Variants in SSBP2 observed in about 807,000 individuals in gnomAD.
SSBP2 encodes the protein single-stranded DNA-binding protein 2.
SSBP2 carries 17 observed loss-of-function variants against 61.8 expected under a neutral mutation model. The ratio of observed to expected loss-of-function variants is 0.28; its 90% confidence interval spans 0.19 to 0.41. The LOEUF (loss-of-function observed/expected upper bound fraction) is 0.41. Ranked by LOEUF, SSBP2 falls within the 10% of genes least tolerant of loss-of-function variation. SSBP2 has a pLI of 1.00. For synonymous variants in SSBP2, 139 were observed against 141.3 expected (o/e 0.98, Z 0.12); for missense variants, 310 against 458.7 (o/e 0.68, Z 2.96).
At chr5:81,747,022 T>TG (rs60355265) in intron 1 of SSBP2, among the ~76,000 whole-genome samples, 17,797 of 86,692 alleles carry the variant, frequency 0.21, 2,132 homozygotes, top group East Asian at 0.39. Flanking sequence ...ACAAAATTCC[T>TG]GGGGGGGGGG....
At chr5:81,702,361 C>T (rs1465727772) in intron 1 of SSBP2, among the ~76,000 whole-genome samples, 3 of 151,946 alleles carry the variant, frequency 2.0e-5, no homozygotes, top group African/African-American at 7.2e-5. Flanking sequence ...CAGAGCGAGA[C>T]TCCCATCTCA....
chr5:81,556,370 G>C (rs1302977526), intron 4 of SSBP2, among the ~76,000 whole-genome samples: 1 of 152,012 alleles, frequency 6.6e-6, no homozygotes, highest in Admixed American at 6.6e-5. Context: ...TATTTCAATA[G>C]CAAAGAAAGA....
chr5:81,722,421 G>T (rs7722121), intron 1 of SSBP2, among the ~76,000 whole-genome samples: 13,283 of 148,136 alleles, frequency 0.09, 1,982 homozygotes, highest in African/African-American at 0.31. Flanking sequence ...TCAAAATGAG[G>T]GCAAAGAGAA....
intron 4 of SSBP2, among the ~76,000 whole-genome samples, chr5:81,606,807 T>C (rs984440183): frequency 3.9e-4 from 59 of 152,156 alleles, no homozygotes; most frequent in African/African-American, 1.1e-3. Context: ...AAAAGATCAG[T>C]GGTTATATTC....
intron 1 of SSBP2, among the ~76,000 whole-genome samples, chr5:81,664,794 T>TA (rs986326899): frequency 2.6e-5 from 4 of 152,188 alleles, no homozygotes; most frequent in African/African-American, 9.6e-5. Flanking sequence ...TGTGTTTTAT[T>TA]AAAAAGATCC....
At chr5:81,673,163 T>A (rs1751715003) in intron 1 of SSBP2, among the ~76,000 whole-genome samples, 1 of 152,096 alleles carries the variant, frequency 6.6e-6, no homozygotes, top group African/African-American at 2.4e-5. Context: ...TTCTAATCAC[T>A]TGCACTAAGA....
chr5:81,629,631 AAAGT>A (rs1470737871), intron 3 of SSBP2, among the ~76,000 whole-genome samples: 1 of 152,248 alleles, frequency 6.6e-6, no homozygotes, highest in Admixed American at 6.5e-5. Context: ...CTCCCAAGCT[AAAGT>A]GAGTATTGCT....
At chr5:81,504,590 T>C (rs1310623838) in intron 5 of SSBP2, among the ~76,000 whole-genome samples, 2 of 152,210 alleles carry the variant, frequency 1.3e-5, no homozygotes, top group African/African-American at 4.8e-5. Flanking sequence ...TTTACTCAAA[T>C]ACATCTTTTT....
chr5:81,498,024 C>T (rs1158654549), intron 5 of SSBP2, among the ~76,000 whole-genome samples: 2 of 152,030 alleles, frequency 1.3e-5, no homozygotes, highest in African/African-American at 4.8e-5. Context: ...ATGTTTATAA[C>T]TGGGAACCTA....
chr5:81,602,602 C>T (rs186569122), intron 4 of SSBP2, among the ~76,000 whole-genome samples: 52 of 152,248 alleles, frequency 3.4e-4, no homozygotes, highest in Non-Finnish European at 6.2e-4. Flanking sequence ...GCCCTGAGAC[C>T]GCATTTTCCT....
chr5:81,530,186 T>C (rs1469981551), intron 4 of SSBP2, among the ~76,000 whole-genome samples: 1 of 152,120 alleles, frequency 6.6e-6, no homozygotes, highest in Non-Finnish European at 1.5e-5. Flanking sequence ...CTCCTTCAGA[T>C]AATGTGTATA....
intron 6 of SSBP2, among the ~76,000 whole-genome samples, chr5:81,479,288 G>T (rs777101490): frequency 6.6e-5 from 10 of 151,872 alleles, no homozygotes; most frequent in Non-Finnish European, 1.3e-4. Flanking sequence ...GGCATGCATT[G>T]TTCTTTTTTT....
intron 1 of SSBP2, among the ~76,000 whole-genome samples, chr5:81,703,528 G>A (rs920822705): frequency 1.3e-5 from 2 of 151,832 alleles, no homozygotes; most frequent in Admixed American, 6.6e-5. Flanking sequence ...CCTGCACATT[G>A]TGCACATGTA....
At chr5:81,574,387 C>A in intron 4 of SSBP2, among the ~76,000 whole-genome samples, 1 of 149,714 alleles carries the variant, frequency 6.7e-6, no homozygotes, top group African/African-American at 2.5e-5. Flanking sequence ...ATGGAGGAAA[C>A]AAAAGATGGA....
At chr5:81,635,205 T>C (rs1214546231) in intron 3 of SSBP2, among the ~76,000 whole-genome samples, 1 of 151,558 alleles carries the variant, frequency 6.6e-6, no homozygotes, top group African/African-American at 2.4e-5. Context: ...GGTATGAACA[T>C]AACTTCTTCG....
At chr5:81,709,442 A>G (rs1407120139) in intron 1 of SSBP2, among the ~76,000 whole-genome samples, 2 of 151,758 alleles carry the variant, frequency 1.3e-5, no homozygotes, top group African/African-American at 2.4e-5. Flanking sequence ...AGCTTTTTCC[A>G]TCTTCTCTAC....
chr5:81,574,796 T>TG (rs1182098912), intron 4 of SSBP2, among the ~76,000 whole-genome samples: 19 of 151,574 alleles, frequency 1.3e-4, no homozygotes, highest in African/African-American at 4.4e-4. Context: ...TTCAAGACAC[T>TG]GAAAAAAAAA....
chr5:81,484,556 A>T lies in SSBP2; in HGVS notation c.432+4694T>A, dbSNP rs528273727. On this transcript the variant is annotated intron_variant, in intron 6 of 16. Transcript: ENST00000320672. ...ATGTTGGATTTGAAATAATAATTTA[A>T]ATCTTAGTGTAATTATCATAAAAAT... Among the ~76,000 whole-genome samples, 11 of 152,208 alleles carry T rather than the reference A, an allele frequency of 7.2e-5. No individual in the cohort carries two copies. In the South Asian group the frequency reaches 1.9e-3, roughly 26 times the overall value.
chr5:81,463,879 G>A (rs554669393), intron 9 of SSBP2, among the ~76,000 whole-genome samples: 2 of 146,134 alleles, frequency 1.4e-5, no homozygotes, highest in African/African-American at 2.6e-5. Context: ...AGCCATTCTC[G>A]TGCCTCAGTC....
Sources: gnomAD v4.1 joint callset for allele counts (sites outside exome capture counted in the v4.1 genomes callset) on GRCh38, gnomAD v4.1.1 for gene constraint, MANE v1.5 for transcripts, NCBI Gene and HGNC (gene_info 2026-07-23, HGNC 2026-07-21) for gene names.